Variants in TMEM67 observed in about 807,000 individuals in gnomAD.
TMEM67 encodes meckelin.
TMEM67 carries 124 observed loss-of-function variants against 136.6 expected under a neutral mutation model. The ratio of observed to expected loss-of-function variants is 0.91; its 90% confidence interval spans 0.78 to 1.05. The LOEUF is 1.05. TMEM67 is among the 50% of genes least tolerant of loss of function. The pLI, the probability that TMEM67 is intolerant of heterozygous loss-of-function variation, is 0.00. For missense variants in TMEM67, 1,107 were observed against 1,178.4 expected (o/e 0.94, Z 0.89); for synonymous variants, 364 against 390.5 (o/e 0.93, Z 0.80).
At chr8:93,822,534 G>C (rs1809056061), downstream of TMEM67, among the ~76,000 whole-genome samples, 1 of 152,162 alleles carries the variant, frequency 6.6e-6, no homozygotes, top group Admixed American at 6.5e-5. Flanking sequence ...TTCAGGACCA[G>C]GCTGGGGCCC....
chr8:93,807,084 T>C (rs1246555742), intron 23 of TMEM67, among the ~76,000 whole-genome samples: 1 of 152,062 alleles, frequency 6.6e-6, no homozygotes, highest in East Asian at 1.9e-4. Context: ...ATAAAAATAA[T>C]GATTTTCCCC....
chr8:93,799,525 C>T, intron 20 of TMEM67, 93 bp from the exon 21 acceptor site: 1 of 1,248,166 alleles, frequency 8.0e-7, no homozygotes, highest in East Asian at 2.4e-5. Context: ...TTTAGTTTTT[C>T]AAGGTGAGTA....
chr8:93,776,987 T>C (rs1813575962), intron 7 of TMEM67, among the ~76,000 whole-genome samples: 1 of 152,162 alleles, frequency 6.6e-6, no homozygotes. Context: ...GTCCTGGACT[T>C]TTTTTGGTTG....
intron 1 of TMEM67, 27 bp from the exon 2 acceptor site, chr8:93,755,751 C>CTTTTTTTTTTTTTTTT: frequency 1.6e-6 from 1 of 632,468 alleles, no homozygotes; most frequent in Non-Finnish European, 2.4e-6. Context: ...ATAAAATTGG[C>CTTTTTTTTTTTTTTTT]TTTTTTTTTT....
chr8:93,828,941 C>T, the TMEM67 span, among the ~76,000 whole-genome samples: 1 of 152,012 alleles, frequency 6.6e-6, no homozygotes, highest in South Asian at 2.1e-4. Flanking sequence ...AATGGCTATT[C>T]ATTTTATAGC....
chr8:93,788,495 G>A (rs150662236), intron 14 of TMEM67, among the ~76,000 whole-genome samples: 277 of 152,278 alleles, frequency 1.8e-3, no homozygotes, highest in African/African-American at 6.3e-3. Flanking sequence ...CCTGGGAGGC[G>A]AAGGTGTAGT....
At chr8:93,755,177 C>A (rs764236301) in intron 1 of TMEM67, 40 bp downstream of exon 1, 3 of 1,573,502 alleles carry the variant, frequency 1.9e-6, no homozygotes, top group East Asian at 2.2e-5. Context: ...AAGTAACACT[C>A]CCGCCTTGGT....
chr8:93,755,089 G>T lies in TMEM67; in HGVS notation c.175G>T (p.Ala59Ser), dbSNP rs1431573629. The T allele has an allele frequency of 6.2e-7, 1 of 1,614,128 alleles. No individual in the cohort carries two copies. ...CDNNQYFDIS[A>S]LSCVPCGANQ... is the part of the protein sequence containing the mutation. ...CAACAACCAGTACTTTGATATCTCC[G>T]CCCTCTCGTGTGTTCCTTGTGGAGC... Residue 59 changes from alanine (A) to serine (S), a missense_variant, in exon 1 of 28, where the codon GCC (alanine) becomes TCC (serine). By Grantham distance (99) the Ala-to-Ser change is moderately conservative. This residue lies in a region of TMEM67 where 178 missense variants were observed against 159.2 expected (regional missense o/e 1.12). Coordinates refer to ENST00000453321, the MANE Select transcript of TMEM67 (RefSeq NM_153704.6).
rs369059946 is a variant in TMEM67 at position 93,804,896 on chromosome 8, A to T, written c.2439+18A>T. The T allele has an allele frequency of 7.2e-7, 1 of 1,395,920 alleles. No individual in the cohort carries two copies. The highest frequency in any genetic ancestry group is 1.0e-6 in the Non-Finnish European group (1 of 982,198). 86.5% of individuals were successfully genotyped at this position (1,395,920 alleles called of 1,614,324 possible). A position where few individuals can be genotyped will look rare whatever the true frequency, so the allele number is the denominator to read the frequency against. On this transcript the variant is annotated intron_variant, in intron 23 of 27. Coordinates refer to ENST00000453321, the MANE Select transcript of TMEM67 (RefSeq NM_153704.6). ...GAGAAGCGGTATGAAAATGTTTTAC[A>T]TCTTTTTGTTTTTAAGTTGAGAAGT...
At chr8:93,774,277 AG>A (rs1346280264) in intron 7 of TMEM67, among the ~76,000 whole-genome samples, 1 of 152,226 alleles carries the variant, frequency 6.6e-6, no homozygotes, top group African/African-American at 2.4e-5. Flanking sequence ...GACCTCGCAA[AG>A]TGCTGGGATT....
At chr8:93,774,379 T>A (rs1049754307) in intron 7 of TMEM67, among the ~76,000 whole-genome samples, 1 of 152,250 alleles carries the variant, frequency 6.6e-6, no homozygotes, top group Non-Finnish European at 1.5e-5. Context: ...TTTTGTATTA[T>A]ACTTTAAGTT....
At chr8:93,788,094 T>G (rs1417779274) in intron 14 of TMEM67, 145 bp downstream of exon 14, 1 of 669,322 alleles carries the variant, frequency 1.5e-6, no homozygotes, top group African/African-American at 1.8e-5. Flanking sequence ...TCTTAATTAT[T>G]CTTTACTAAT....
At chr8:93,828,339 CCAA>C in the TMEM67 span, among the ~76,000 whole-genome samples, 7 of 152,074 alleles carry the variant, frequency 4.6e-5, no homozygotes, top group Non-Finnish European at 8.8e-5. Context: ...ATCATCACCC[CCAA>C]CAACAACAAG....
downstream of TMEM67, among the ~76,000 whole-genome samples, chr8:93,820,613 T>G (rs538464757): frequency 6.6e-6 from 1 of 152,172 alleles, no homozygotes; most frequent in Non-Finnish European, 1.5e-5. Flanking sequence ...ATGATTAAAT[T>G]GTCTCATCTG....
Position 93,781,741 on chromosome 8 carries a change from A to G in TMEM67, c.1062A>G (p.Leu354=). The G allele has an allele frequency of 6.3e-7, 1 of 1,586,150 alleles. No homozygotes were observed. The highest frequency in any genetic ancestry group is 8.6e-7 in the Non-Finnish European group (1 of 1,156,120). Residue 354 remains leucine (L), a synonymous_variant, in exon 10 of 28, where the codon TTA becomes TTG. Transcript: ENST00000453321. ...LKWQTLEGGV[L]QLCPDTETRL... ...GGCAAACTTTAGAAGGAGGTGTTTTACAGGTAAGCATGATTCTAGTTAAAG... is the reference window on the plus strand; with the variant it reads ...GGCAAACTTTAGAAGGAGGTGTTTTGCAGGTAAGCATGATTCTAGTTAAAG...
At chr8:93,757,500 G>T (rs575750572) in intron 2 of TMEM67, among the ~76,000 whole-genome samples, 1 of 151,962 alleles carries the variant, frequency 6.6e-6, no homozygotes, top group Non-Finnish European at 1.5e-5. Context: ...GCTGGACGTG[G>T]TGGCACGTGC....
Position 93,780,602 on chromosome 8 carries a change from A to C in TMEM67, c.724A>C (p.Asn242His). Residue 242 changes from asparagine (N) to histidine (H), a missense_variant, in exon 8 of 28, where the codon AAT becomes CAT. Asn to His is a moderately conservative substitution (Grantham distance 68). Transcript: ENST00000453321. ...CATTGTTCTGTTGTAGGTATATGCC[A>C]ATCTAACATCTTGTCAAGCTCTTGG... The part of the protein sequence containing the change: ...SSAAACWVYA[N>H]LTSCQALGNM... 1 of 1,614,138 alleles carries C rather than the reference A, an allele frequency of 6.2e-7. No individual in the cohort carries two copies. Among genetic ancestry groups the C allele is most frequent in the Non-Finnish European group, 8.5e-7 (1 of 1,180,030 alleles).
Position 93,815,300 on chromosome 8 carries a change from A to G in TMEM67, c.2765-5A>G, listed in dbSNP as rs1808862357. On this transcript the variant is annotated splice_polypyrimidine_tract_variant and splice_region_variant and intron_variant, in intron 26 of 27. Transcript: ENST00000453321. ...TAATTTATATTTTCTAAATTTTTTT[A>G]ATAGATGAAGGTTATTCTTTCAGCA... The G allele has an allele frequency of 1.3e-6, 2 of 1,517,472 alleles. No homozygotes were observed. Among genetic ancestry groups the G allele is most frequent in the Non-Finnish European group, 1.8e-6 (2 of 1,126,598 alleles). The allele number at this position is 1,517,472 out of a possible 1,614,324, so 94.0% of individuals were successfully genotyped here. A position where few individuals can be genotyped will look rare whatever the true frequency, so the allele number is the denominator to read the frequency against.
intron 16 of TMEM67, 96 bp from the exon 17 acceptor site, chr8:93,795,313 G>T (rs1814559454): frequency 5.0e-6 from 5 of 1,009,254 alleles, no homozygotes; most frequent in Non-Finnish European, 6.3e-6. Context: ...TCAGGCTTAA[G>T]AAATGGAGTG....
Sources: gnomAD v4.1 joint callset for allele counts (sites outside exome capture counted in the v4.1 genomes callset) on GRCh38, gnomAD v4.1.1 for gene constraint, gnomAD v4.1.1 regional missense constraint, MANE v1.5 for transcripts, NCBI Gene and HGNC (gene_info 2026-07-23, HGNC 2026-07-21) for gene names.